The following ACOT7 variants were observed in gnomAD, a reference collection of about 807,000 sequenced individuals.
ACOT7 encodes cytosolic acyl coenzyme A thioester hydrolase.
Under a neutral mutation model 40.2 loss-of-function variants are expected in ACOT7, and 12 were observed. The observed-to-expected ratio is 0.30, with a 90% CI of 0.19 to 0.48. The LOEUF (loss-of-function observed/expected upper bound fraction) is 0.48, where lower values mean the gene tolerates loss of function less well. Ranked by LOEUF, ACOT7 falls within the 20% of genes least tolerant of loss-of-function variation. The probability of loss-of-function intolerance (pLI) is 0.99; values close to 1 mark genes in which losing one functional copy is unlikely to be tolerated. For missense variants in ACOT7, 395 were observed against 530.8 expected (o/e 0.74, Z 2.51); for synonymous variants, 228 against 219.5 (o/e 1.04, Z -0.34).
Position 6,264,498 on chromosome 1 carries a change from T to G in ACOT7, c.*99A>C. 1 of 1,111,848 alleles carries G rather than the reference T, an allele frequency of 9.0e-7. No homozygotes were observed. Among genetic ancestry groups the G allele is most frequent in the Non-Finnish European group, 1.3e-6 (1 of 781,496 alleles). 68.9% of individuals were successfully genotyped at this position (1,111,848 alleles called of 1,614,324 possible). ...AACTTCAGACAACACCAGCTCTCAA[T>G]GTGAATTGGGTTTTTGGCCAAGGGG... On this transcript the variant is annotated 3_prime_UTR_variant, in exon 9 of 9. Transcript: ENST00000361521.
chr1:6,280,105 G>C (rs1382441177), intron 8 of ACOT7, among the ~76,000 whole-genome samples: 2 of 152,222 alleles, frequency 1.3e-5, no homozygotes, highest in African/African-American at 4.8e-5. Context: ...GCCTCGCAGG[G>C]CCGTGGTGCC....
At chr1:6,349,888 A>G in intron 1 of ACOT7, 22 bp from the exon 2 acceptor site, 1 of 1,610,342 alleles carries the variant, frequency 6.2e-7, no homozygotes, top group Non-Finnish European at 8.5e-7. Context: ...GAGAAGCAGG[A>G]TGAGGCCTCT....
chr1:6,354,539 G>A (rs1361017352), intron 1 of ACOT7, among the ~76,000 whole-genome samples: 2 of 152,328 alleles, frequency 1.3e-5, no homozygotes, highest in East Asian at 1.9e-4. Flanking sequence ...GAAAGGAGGG[G>A]AGGCTGGGGA....
At chr1:6,368,749 C>A (rs1460706411) in intron 1 of ACOT7, among the ~76,000 whole-genome samples, 7 of 152,200 alleles carry the variant, frequency 4.6e-5, no homozygotes, top group Admixed American at 4.6e-4. Context: ...CCTGGCTGTG[C>A]AAGGATGGGG....
At chr1:6,291,866 G>A (rs866158500) in intron 7 of ACOT7, among the ~76,000 whole-genome samples, 10 of 152,194 alleles carry the variant, frequency 6.6e-5, no homozygotes, top group African/African-American at 2.4e-4. Flanking sequence ...AGCAGGGGCC[G>A]TGCCTCCCCG....
intron 1 of ACOT7, among the ~76,000 whole-genome samples, chr1:6,365,546 G>C (rs1434122619): frequency 1.3e-5 from 2 of 152,070 alleles, no homozygotes; most frequent in Non-Finnish European, 2.9e-5. Context: ...AAGGTGGGTG[G>C]ATCACAAGGT....
intron 6 of ACOT7, among the ~76,000 whole-genome samples, chr1:6,308,718 C>T (rs567978920): frequency 2.6e-5 from 4 of 152,136 alleles, no homozygotes; most frequent in South Asian, 2.1e-4. Flanking sequence ...CAGAGGGAAC[C>T]GCAACCAGGC....
intron 4 of ACOT7, among the ~76,000 whole-genome samples, chr1:6,328,863 C>T (rs547344972): frequency 3.3e-5 from 5 of 149,268 alleles, no homozygotes; most frequent in African/African-American, 7.5e-5. Flanking sequence ...GAGGGGCCCT[C>T]GGGGCCTGTG....
At position 6,289,565 on chromosome 1, in the gene ACOT7, G is replaced by A. The variant is rs533666359; in HGVS notation, c.829+5299C>T. Among the ~76,000 whole-genome samples, 86 of 152,096 alleles carry A rather than the reference G, an allele frequency of 5.7e-4. No individual in the cohort carries two copies. The highest frequency in any genetic ancestry group is 6.8e-3 in the Middle Eastern group (2 of 292). On this transcript the variant is annotated intron_variant, in intron 7 of 8. Transcript: ENST00000361521. The surrounding 1 kb of genome is among the most constrained non-coding windows in gnomAD (Gnocchi z 4.6). Reference sequence around the variant, plus strand: ...AATTTTTAAATTTTTGTAGAGATGGGGCCTCACCATGTTGCCCAGGCTGGT... The same window carrying A: ...AATTTTTAAATTTTTGTAGAGATGGAGCCTCACCATGTTGCCCAGGCTGGT...
At position 6,358,577 on chromosome 1, in the gene ACOT7, C is replaced by T. The variant is rs898874511; in HGVS notation, c.144-8711G>A. Among the ~76,000 whole-genome samples the T allele has an allele frequency of 2.6e-5, 4 of 152,216 alleles. No homozygotes were observed. The highest frequency in any genetic ancestry group is 4.4e-5 in the Non-Finnish European group (3 of 68,034). ...GAGCAGGCAGGGGAGTGCCCTGGTC[C>T]GTCAGGGGACCCCAGCTCACGCAGG... is the stretch of plus-strand genomic sequence containing the variant. On this transcript the variant is annotated intron_variant, in intron 1 of 8. Transcript: ENST00000361521. This position sits in a 1 kb window ranked among gnomAD's most constrained non-coding sequence, Gnocchi z 4.1.
intron 5 of ACOT7, among the ~76,000 whole-genome samples, chr1:6,325,673 C>T (rs77582427): frequency 0.02 from 2,980 of 152,254 alleles, 93 homozygotes; most frequent in African/African-American, 0.069. Context: ...ACCAAATACA[C>T]ACAAACTCCT....
intron 1 of ACOT7, among the ~76,000 whole-genome samples, chr1:6,351,417 T>A (rs1465847140): frequency 6.6e-6 from 1 of 152,288 alleles, no homozygotes; most frequent in Non-Finnish European, 1.5e-5. Context: ...AAAATTGAAC[T>A]TACTCTATGA....
intron 1 of ACOT7, among the ~76,000 whole-genome samples, chr1:6,362,288 G>A (rs1026259146): frequency 3.6e-4 from 54 of 152,020 alleles, no homozygotes; most frequent in Non-Finnish European, 4.6e-4. Flanking sequence ...AAAATTAGCC[G>A]GGCATGGTGG....
chr1:6,310,696 A>G (rs1342940845), intron 6 of ACOT7, among the ~76,000 whole-genome samples: 7 of 152,202 alleles, frequency 4.6e-5, no homozygotes. Flanking sequence ...CAAAACCTCC[A>G]GGAGAAGGGC....
chr1:6,346,246 C>T (rs1462054817), intron 2 of ACOT7, among the ~76,000 whole-genome samples: 2 of 152,242 alleles, frequency 1.3e-5, no homozygotes, highest in African/African-American at 4.8e-5. Context: ...AGACTACAGG[C>T]ACAGGCCACC....
chr1:6,331,628 A>G (rs1031280765), intron 4 of ACOT7, among the ~76,000 whole-genome samples: 4 of 152,196 alleles, frequency 2.6e-5, no homozygotes, highest in Admixed American at 1.3e-4. Context: ...CCCGACCCTG[A>G]GCCCCCGCCC....
chr1:6,354,660 C>T lies in ACOT7; in HGVS notation c.144-4794G>A, dbSNP rs183563577. 7.4e-3 allele frequency among the ~76,000 whole-genome samples: 1,073 copies of T among 144,414 alleles called. 22 individuals are homozygous for T. The highest frequency in any genetic ancestry group is 0.025 in the African/African-American group (966 of 38,776). 94.7% of individuals were successfully genotyped at this position (144,414 alleles called of 152,430 possible). A position where few individuals can be genotyped will look rare whatever the true frequency, so the allele number is the denominator to read the frequency against. Reference sequence around the variant, plus strand: ...GCCTCTGCACTGGCCTCTCACCCCCCGTGGCCGCTGCACTGGCCTCTAGCC... The same window carrying T: ...GCCTCTGCACTGGCCTCTCACCCCCTGTGGCCGCTGCACTGGCCTCTAGCC... On this transcript the variant is annotated intron_variant, in intron 1 of 8. Transcript: ENST00000361521.
chr1:6,276,990 A>ACC (rs59952827), intron 8 of ACOT7, among the ~76,000 whole-genome samples: 2,003 of 136,010 alleles, frequency 0.015, 19 homozygotes, highest in East Asian at 0.035. Context: ...CACTCTGACC[A>ACC]CCCCCCCCCA....
At chr1:6,378,956 C>G (rs1005334971) in intron 1 of ACOT7, among the ~76,000 whole-genome samples, 3 of 151,590 alleles carry the variant, frequency 2.0e-5, no homozygotes, top group Non-Finnish European at 4.4e-5. Context: ...AGTGCAGTGG[C>G]GCAATCTCGG....
Sources: gnomAD v4.1 joint callset for allele counts (sites outside exome capture counted in the v4.1 genomes callset) on GRCh38, gnomAD v4.1.1 for gene constraint, Gnocchi (gnomAD v3.1) non-coding constraint, MANE v1.5 for transcripts, NCBI Gene and HGNC (gene_info 2026-07-23, HGNC 2026-07-21) for gene names.